The following CASS4 variants were observed in gnomAD, a reference collection of about 807,000 sequenced individuals.
CASS4 encodes cas scaffolding protein family member 4.
In CASS4, 22 loss-of-function variants were observed where a neutral mutation model predicts 54.2. That is an observed-to-expected ratio of 0.41 (90% CI 0.29 to 0.58). The LOEUF (loss-of-function observed/expected upper bound fraction) is 0.58, where lower values mean the gene tolerates loss of function less well. Among genes scored for constraint, CASS4 ranks in the 20% least tolerant of loss-of-function variants. The pLI is 0.36. For missense variants in CASS4, 854 were observed against 986.7 expected (o/e 0.87, Z 1.80); for synonymous variants, 409 against 391.5 (o/e 1.04, Z -0.53).
intron 1 of CASS4, among the ~76,000 whole-genome samples, chr20:56,416,471 G>C (rs370854328): frequency 2.6e-5 from 4 of 152,282 alleles, no homozygotes; most frequent in East Asian, 1.9e-4. Flanking sequence ...TACGAAAATA[G>C]AGTCTGCAAT....
Position 56,458,431 on chromosome 20 carries a change from C to T in CASS4, c.2045C>T (p.Ala682Val), listed in dbSNP as rs199670261. 1.1e-5 allele frequency: 18 copies of T among 1,613,996 alleles called. No individual in the cohort carries two copies. Among genetic ancestry groups the T allele is most frequent in the Non-Finnish European group, 1.4e-5 (17 of 1,180,048 alleles). ...GAACACTGCCGGCTCTACTTTGGGG[C>T]GCTCTTCAAAGCCATCAGCGCATTT... ...LSEHCRLYFG[A>V]LFKAISAFHG... The change falls in exon 6 of 6, where the codon GCG becomes GTG. Residue 682 changes from alanine (A) to valine (V), a missense_variant. Ala to Val is a moderately conservative substitution (Grantham distance 64, BLOSUM62 0). Transcript: ENST00000679887.
At chr20:56,426,467 A>G (rs1409067715) in intron 1 of CASS4, among the ~76,000 whole-genome samples, 1 of 152,206 alleles carries the variant, frequency 6.6e-6, no homozygotes, top group Non-Finnish European at 1.5e-5. Flanking sequence ...CACTCCTTTC[A>G]GGGCGAACAG....
At chr20:56,427,248 C>T (rs1205168196) in intron 1 of CASS4, among the ~76,000 whole-genome samples, 1 of 151,542 alleles carries the variant, frequency 6.6e-6, no homozygotes, top group Admixed American at 6.6e-5. Flanking sequence ...CACCAGAAAT[C>T]CCTCCCAGAA....
At chr20:56,450,569 A>C in intron 3 of CASS4, 30 bp from the exon 4 acceptor site, 3 of 1,601,264 alleles carry the variant, frequency 1.9e-6, no homozygotes. Context: ...AGAAACATTC[A>C]AGTTGTCTGC....
At chr20:56,444,997 C>T (rs1980637343) in intron 2 of CASS4, among the ~76,000 whole-genome samples, 1 of 152,058 alleles carries the variant, frequency 6.6e-6, no homozygotes, top group African/African-American at 2.4e-5. Flanking sequence ...GTAGTCCCAG[C>T]TACTCAGGAG....
chr20:56,425,962 T>C (rs2146269462), intron 1 of CASS4, among the ~76,000 whole-genome samples: 1 of 152,368 alleles, frequency 6.6e-6, no homozygotes, highest in East Asian at 1.9e-4. Context: ...ATTTTGGAGA[T>C]TGTCCCGTTT....
chr20:56,427,512 C>T (rs1979702748), intron 1 of CASS4, among the ~76,000 whole-genome samples: 1 of 152,108 alleles, frequency 6.6e-6, no homozygotes, highest in African/African-American at 2.4e-5. Flanking sequence ...GAAATACTTC[C>T]AAGTACATTT....
At position 56,442,656 on chromosome 20, in the gene CASS4, G is replaced by A. The variant is rs571606560; in HGVS notation, c.460-3244G>A. Reference sequence around the variant, plus strand: ...CCCAACTTCCTTAATATAATGTGCTGGCCTAATTTAAAAAAAAAACCCACC... The same window carrying A: ...CCCAACTTCCTTAATATAATGTGCTAGCCTAATTTAAAAAAAAAACCCACC... On this transcript the variant is annotated intron_variant, in intron 2 of 5. Transcript: ENST00000679887. 5.1e-5 allele frequency among the ~76,000 whole-genome samples: 6 copies of A among 117,890 alleles called. No homozygotes were observed. The South Asian group carries it at 1.4e-3, about 27-fold the overall frequency. The allele number at this position is 117,890 out of a possible 152,430, so 77.3% of individuals were successfully genotyped here. A position where few individuals can be genotyped will look rare whatever the true frequency, so the allele number is the denominator to read the frequency against.
chr20:56,445,809 T>A, intron 2 of CASS4, 91 bp from the exon 3 acceptor site: 1 of 988,096 alleles, frequency 1.0e-6, no homozygotes, highest in Non-Finnish European at 1.5e-6. Context: ...TCCACCCAGC[T>A]GTCTCTGCTT....
At chr20:56,433,351 G>C (rs1193628111) in intron 1 of CASS4, among the ~76,000 whole-genome samples, 1 of 152,090 alleles carries the variant, frequency 6.6e-6, no homozygotes, top group Non-Finnish European at 1.5e-5. Context: ...CATGATGGAG[G>C]GACTCAAGCC....
intron 5 of CASS4, among the ~76,000 whole-genome samples, chr20:56,455,256 T>A (rs1301711959): frequency 6.6e-6 from 1 of 152,046 alleles, no homozygotes; most frequent in Admixed American, 6.6e-5. Flanking sequence ...TTAATGTAAG[T>A]AAAAACAATG....
At chr20:56,417,192 T>C (rs1483815118) in intron 1 of CASS4, among the ~76,000 whole-genome samples, 1 of 152,154 alleles carries the variant, frequency 6.6e-6, no homozygotes, top group Non-Finnish European at 1.5e-5. Flanking sequence ...CAGTTTTAGG[T>C]TCTCTTTGTA....
intron 1 of CASS4, among the ~76,000 whole-genome samples, chr20:56,423,179 G>A (rs1009607445): frequency 2.0e-5 from 3 of 152,238 alleles, no homozygotes; most frequent in African/African-American, 7.2e-5. Context: ...CTTCCCAAGC[G>A]ACTTCTGCTG....
intron 1 of CASS4, among the ~76,000 whole-genome samples, chr20:56,425,670 C>T (rs1276436060): frequency 6.6e-6 from 1 of 152,220 alleles, no homozygotes; most frequent in African/African-American, 2.4e-5. Context: ...AATTCACCAG[C>T]GCAGGAGTCC....
At chr20:56,443,883 G>A (rs544540820) in intron 2 of CASS4, among the ~76,000 whole-genome samples, 3 of 152,270 alleles carry the variant, frequency 2.0e-5, no homozygotes, top group East Asian at 1.9e-4. Flanking sequence ...TCCCCCAGGC[G>A]AGAGTGGGAT....
At chr20:56,422,798 G>A (rs1026046262) in intron 1 of CASS4, among the ~76,000 whole-genome samples, 3 of 152,176 alleles carry the variant, frequency 2.0e-5, no homozygotes, top group Non-Finnish European at 2.9e-5. Flanking sequence ...CATTCTCCAC[G>A]ATTATTTTTA....
At position 56,437,477 on chromosome 20, in the gene CASS4, G is replaced by A. The variant is rs1980244736; in HGVS notation, c.350G>A (p.Arg117Lys). ...CCAGGCCCCGTTTATGAGCAGATGA[G>A]GAGTTGGGCGGAGGGGCCCCAGCCC... is the stretch of plus-strand genomic sequence containing the variant. The part of the protein sequence containing the change: ...PTPGPVYEQM[R>K]SWAEGPQPPT... Residue 117 changes from arginine to lysine, a missense_variant, in exon 2 of 6, where the codon AGG becomes AAG. Physicochemically the swap from Arg to Lys is conservative, Grantham distance 26 (BLOSUM62 2). Coordinates refer to ENST00000679887, the MANE Select transcript of CASS4 (RefSeq NM_020356.4). The surrounding 1 kb of genome is among the most constrained non-coding windows in gnomAD (Gnocchi z 4.7). The A allele has an allele frequency of 6.2e-7, 1 of 1,612,306 alleles. No individual in the cohort carries two copies. Among genetic ancestry groups the A allele is most frequent in the Non-Finnish European group, 8.5e-7 (1 of 1,179,146 alleles).
At chr20:56,436,721 C>G (rs995844048) in intron 1 of CASS4, among the ~76,000 whole-genome samples, 1 of 152,078 alleles carries the variant, frequency 6.6e-6, no homozygotes, top group Non-Finnish European at 1.5e-5. Context: ...AACCCCTTCT[C>G]TACAAAAATA....
chr20:56,454,449 C>A (rs1259831884), intron 5 of CASS4, among the ~76,000 whole-genome samples: 1 of 152,122 alleles, frequency 6.6e-6, no homozygotes, highest in Admixed American at 6.6e-5. Flanking sequence ...TTTAAACAAA[C>A]CATGTGGGTC....
Sources: gnomAD v4.1 joint callset for allele counts (sites outside exome capture counted in the v4.1 genomes callset) on GRCh38, gnomAD v4.1.1 for gene constraint, Gnocchi (gnomAD v3.1) non-coding constraint, MANE v1.5 for transcripts, NCBI Gene and HGNC (gene_info 2026-07-23, HGNC 2026-07-21) for gene names.